Variants in SLC12A2 observed in about 807,000 individuals in gnomAD.
SLC12A2 encodes solute carrier family 12 member 2, also known as Na-K-2Cl cotransporter 1.
SLC12A2 carries 67 observed loss-of-function variants against 136.3 expected under a neutral mutation model. The ratio of observed to expected loss-of-function variants is 0.49; its 90% CI spans 0.40 to 0.60. The LOEUF is 0.60. Among genes scored for constraint, SLC12A2 ranks in the 20% least tolerant of loss-of-function variants. SLC12A2 has a pLI of 0.00. For synonymous variants in SLC12A2, 619 were observed against 562.9 expected, an observed-to-expected ratio of 1.10 and a Z score of -1.41; for missense variants, 1,322 against 1,534.7, an observed-to-expected ratio of 0.86 and a Z score of 2.32.
At chr5:128,116,399 A>G (rs1761352772) in intron 4 of SLC12A2, among the ~76,000 whole-genome samples, 1 of 74,672 alleles carries the variant, frequency 1.3e-5, no homozygotes, top group Non-Finnish European at 2.2e-5. Context: ...ATATAAATAT[A>G]TATATATATA....
In SLC12A2 at chr5:128,126,941, C is replaced by CATAT. The variant is rs1243756791; in HGVS notation, c.1049-4103_1049-4100dup. Among the ~76,000 whole-genome samples, 39 of 41,002 alleles carry CATAT rather than the reference C, an allele frequency of 9.5e-4. 1 individual carries two copies. Among genetic ancestry groups the CATAT allele is most frequent in the East Asian group, 6.8e-3 (13 of 1,910 alleles). 26.9% of individuals were successfully genotyped at this position (41,002 alleles called of 152,430 possible). ...TCCCTTATTCTATTATCACAACCTA[C>CATAT]ATATATATATATATATATATATATA... On this transcript the variant is annotated intron_variant, in intron 4 of 26. Coordinates refer to ENST00000262461, the MANE Select transcript of SLC12A2 (RefSeq NM_001046.3).
chr5:128,115,551 G>A (rs932070085), intron 4 of SLC12A2, among the ~76,000 whole-genome samples: 6 of 152,114 alleles, frequency 3.9e-5, no homozygotes, highest in South Asian at 4.1e-4. Flanking sequence ...AAGAGACTAC[G>A]GGAGAATGGA....
At chr5:128,141,765 T>C in intron 9 of SLC12A2, 65 bp from the exon 10 acceptor site, 1 of 1,342,132 alleles carries the variant, frequency 7.5e-7, no homozygotes, top group Admixed American at 2.1e-5. Context: ...TATATATATG[T>C]ATATAAAATT....
intron 5 of SLC12A2, among the ~76,000 whole-genome samples, chr5:128,133,921 G>A (rs1439195496): frequency 6.6e-6 from 1 of 151,648 alleles, no homozygotes; most frequent in African/African-American, 2.4e-5. Context: ...TTGATTTATT[G>A]AGTCTATATT....
At chr5:128,176,992 G>C (rs893853533) in intron 20 of SLC12A2, 113 bp from the exon 21 acceptor site, 2 of 577,106 alleles carry the variant, frequency 3.5e-6, no homozygotes, top group Admixed American at 4.0e-5. Flanking sequence ...ATTTTTCAGT[G>C]GACTGCTGCT....
chr5:128,131,282 G>C, intron 5 of SLC12A2, 76 bp downstream of exon 5: 1 of 1,468,026 alleles, frequency 6.8e-7, no homozygotes, highest in East Asian at 2.3e-5. Context: ...CATGTTAGAG[G>C]TTGGGAAAGC....
At chr5:128,130,975 G>A (rs1220938548) in intron 4 of SLC12A2, 92 bp from the exon 5 acceptor site, 2 of 1,230,918 alleles carry the variant, frequency 1.6e-6, no homozygotes, top group East Asian at 4.7e-5. Flanking sequence ...GGGGGCATCT[G>A]CTTTGTGAAT....
At chr5:128,163,070 T>A (rs997024396) in intron 17 of SLC12A2, among the ~76,000 whole-genome samples, 1 of 152,206 alleles carries the variant, frequency 6.6e-6, no homozygotes, top group South Asian at 2.1e-4. Flanking sequence ...CATAGAGCAA[T>A]TGGAAATCTT....
intron 16 of SLC12A2, among the ~76,000 whole-genome samples, chr5:128,161,147 A>G (rs1441985090): frequency 3.3e-5 from 5 of 152,230 alleles, no homozygotes; most frequent in Non-Finnish European, 7.3e-5. Flanking sequence ...AATAAGAGTT[A>G]TGAGTTAACA....
chr5:128,084,101 G>T lies in SLC12A2; in HGVS notation c.147G>T (p.Ala49=), dbSNP rs555325149. 1,023 of 1,313,538 alleles carry T rather than the reference G, an allele frequency of 7.8e-4. 6 individuals carry two copies. In the African/African-American group the frequency reaches 0.014, roughly 18 times the overall value. 81.4% of individuals were successfully genotyped at this position (1,313,538 alleles called of 1,614,324 possible). A position where few individuals can be genotyped will look rare whatever the true frequency, so the allele number is the denominator to read the frequency against. Residue 49 remains alanine (A), a synonymous_variant, in exon 1 of 27, where the codon GCG becomes GCT. Transcript: ENST00000262461. This position sits in a 1 kb window ranked among gnomAD's most constrained non-coding sequence, Gnocchi z 5.6. ...CGGTGCCGGAGGATGCTGCGCCCGC[G>T]AGCCGGGACGGCGGCGGGGTCCGCG... ...VPSVPEDAAP[A]SRDGGGVRDE...
intron 20 of SLC12A2, among the ~76,000 whole-genome samples, chr5:128,175,425 T>C (rs751234123): frequency 2.0e-5 from 3 of 152,072 alleles, no homozygotes; most frequent in Non-Finnish European, 4.4e-5. Context: ...TTGTTTTTCC[T>C]CAAAATTCTA....
chr5:128,177,280 A>C (rs1395155444), intron 21 of SLC12A2, 128 bp downstream of exon 21: 30 of 588,922 alleles, frequency 5.1e-5, no homozygotes, highest in Non-Finnish European at 5.8e-6. Context: ...AGTTCTATAA[A>C]TGCAGATTAG....
At chr5:128,088,393 C>G (rs1760183485) in intron 1 of SLC12A2, among the ~76,000 whole-genome samples, 1 of 151,974 alleles carries the variant, frequency 6.6e-6, no homozygotes, top group Non-Finnish European at 1.5e-5. Context: ...TTTGGCCCTA[C>G]AAGAAGAAAT....
rs1400086831 is a variant in SLC12A2 at position 128,147,634 on chromosome 5, G to A, written c.1786G>A (p.Val596Met). ...ACTTTTATTTAAGGTAATGAGTATG[G>A]TGTCAGGATTTACACCACTAATTTC... Reference protein sequence around the residue: ...LMNNFQVMSMVSGFTPLISAG... With the variant: ...LMNNFQVMSMMSGFTPLISAG... Residue 596 changes from valine to methionine, a missense_variant, in exon 11 of 27, where the codon GTG becomes ATG. Val to Met is a conservative substitution (Grantham distance 21). Around this residue, in one of 8 missense-constraint regions of SLC12A2, gnomAD observed 294 missense variants for 436.6 expected, o/e 0.67. Transcript: ENST00000262461. 2 of 1,602,622 alleles carry A rather than the reference G, an allele frequency of 1.2e-6. No homozygotes were observed. The highest frequency in any genetic ancestry group is 2.2e-5 in the East Asian group (1 of 44,642).
intron 17 of SLC12A2, among the ~76,000 whole-genome samples, chr5:128,162,984 G>A (rs771223882): frequency 6.6e-6 from 1 of 151,952 alleles, no homozygotes; most frequent in African/African-American, 2.4e-5. Context: ...ATTAGTGTTA[G>A]TGTATTCTGT....
At chr5:128,180,847 A>G in intron 22 of SLC12A2, 36 bp from the exon 23 acceptor site, 1 of 1,217,200 alleles carries the variant, frequency 8.2e-7, no homozygotes, top group Non-Finnish European at 1.2e-6. Context: ...AGAAATTTGC[A>G]TTTAGTAAAT....
chr5:128,144,606 G>C (rs949104910), intron 10 of SLC12A2, among the ~76,000 whole-genome samples: 1 of 152,130 alleles, frequency 6.6e-6, no homozygotes, highest in African/African-American at 2.4e-5. Context: ...GCAATCTTTA[G>C]TCTAAATCAG....
rs55717628 is a variant in SLC12A2, at chr5:128,160,874, C to T, written c.2476-786C>T. On this transcript the variant is annotated intron_variant, in intron 16 of 26. Coordinates refer to ENST00000262461, the MANE Select transcript of SLC12A2 (RefSeq NM_001046.3). The stretch of plus-strand genomic sequence containing the variant: ...GTGTGTGTGTGTGTGTGTGAGAGTG[C>T]GTGTATGTAGGGTGGTAGAAGGATA... Among the ~76,000 whole-genome samples the T allele has an allele frequency of 4.1e-3, 612 of 150,956 alleles. 4 individuals carry two copies. The highest frequency in any genetic ancestry group is 0.014 in the African/African-American group (589 of 41,104).
chr5:128,106,844 C>T (rs542465490), intron 1 of SLC12A2, among the ~76,000 whole-genome samples: 1 of 152,266 alleles, frequency 6.6e-6, no homozygotes, highest in Admixed American at 6.5e-5. Flanking sequence ...AAGACACCCA[C>T]ATGAAATCTT....
Sources: allele counts gnomAD v4.1 joint callset (sites outside exome capture counted in the v4.1 genomes callset), GRCh38; gene constraint gnomAD v4.1.1; regional missense constraint gnomAD v4.1.1; non-coding constraint Gnocchi (gnomAD v3.1); transcripts MANE v1.5; gene names NCBI Gene and HGNC (gene_info 2026-07-23, HGNC 2026-07-21).